CSMD1: variants seen among roughly 807,000 people sequenced by gnomAD.
CSMD1 encodes the protein CUB and sushi domain-containing protein 1.
Under a neutral mutation model 417.5 loss-of-function variants are expected in CSMD1, and 213 were observed. That is an observed-to-expected ratio of 0.51 (90% CI 0.46 to 0.57). CSMD1 has a LOEUF of 0.57. CSMD1 is among the 20% of genes least tolerant of loss of function. The pLI is 0.00. For missense variants in CSMD1, 6,923 were observed against 4,529.7 expected (o/e 1.53, Z -15.17); for synonymous variants, 2,862 against 1,736.8 (o/e 1.65, Z -16.11).
At chr8:3,185,473 G>C (rs867182884) in intron 36 of CSMD1, among the ~76,000 whole-genome samples, 7 of 152,218 alleles carry the variant, frequency 4.6e-5, no homozygotes, top group Non-Finnish European at 8.8e-5. Context: ...CTGCATTTGT[G>C]TGTAAAATGT....
chr8:3,025,621 A>T (rs531118733), intron 51 of CSMD1, among the ~76,000 whole-genome samples: 1 of 152,234 alleles, frequency 6.6e-6, no homozygotes, highest in African/African-American at 2.4e-5. Context: ...CCAACCATCA[A>T]TATATTTTAT....
intron 20 of CSMD1, among the ~76,000 whole-genome samples, chr8:3,360,183 G>C (rs1054306793): frequency 1.3e-5 from 2 of 152,206 alleles, no homozygotes; most frequent in Admixed American, 1.3e-4. Flanking sequence ...AGATTGAAAA[G>C]TAGTAGACAA....
chr8:4,640,168 A>G (rs1803105642), intron 1 of CSMD1, among the ~76,000 whole-genome samples: 1 of 152,248 alleles, frequency 6.6e-6, no homozygotes, highest in Non-Finnish European at 1.5e-5. Flanking sequence ...CAGGGTACTA[A>G]TGAGTACAGT....
At chr8:4,790,211 G>A (rs759486103) in intron 1 of CSMD1, among the ~76,000 whole-genome samples, 1 of 152,058 alleles carries the variant, frequency 6.6e-6, no homozygotes, top group Non-Finnish European at 1.5e-5. Context: ...AGCCAAATCT[G>A]AGAGCACAAC....
chr8:3,911,125 C>G (rs1212613320), intron 5 of CSMD1, among the ~76,000 whole-genome samples: 1 of 152,032 alleles, frequency 6.6e-6, no homozygotes, highest in Non-Finnish European at 1.5e-5. Flanking sequence ...GACAGGTTGC[C>G]AATCACAGGA....
chr8:3,657,878 C>A (rs770183939), intron 7 of CSMD1, among the ~76,000 whole-genome samples: 1 of 152,176 alleles, frequency 6.6e-6, no homozygotes, highest in African/African-American at 2.4e-5. Context: ...CAAAAATCCT[C>A]TTGAAACTTA....
chr8:3,503,941 C>T (rs780837083), intron 10 of CSMD1, among the ~76,000 whole-genome samples: 5 of 150,522 alleles, frequency 3.3e-5, no homozygotes, highest in Admixed American at 6.6e-5. Flanking sequence ...AATATGGAGG[C>T]GGGGGTTAGG....
At chr8:4,812,310 G>C (rs1408039959) in intron 1 of CSMD1, among the ~76,000 whole-genome samples, 2 of 152,190 alleles carry the variant, frequency 1.3e-5, no homozygotes, top group African/African-American at 2.4e-5. Context: ...GTTTGGGATA[G>C]TGGCTGCTTC....
At chr8:4,889,978 A>C (rs975452295) in intron 1 of CSMD1, among the ~76,000 whole-genome samples, 26 of 152,288 alleles carry the variant, frequency 1.7e-4, no homozygotes, top group African/African-American at 5.8e-4. Context: ...ACAACTATGA[A>C]ACAGAAATAT....
rs75606222 is a variant in CSMD1, at chr8:3,822,025, G to C, written c.819-67983C>G. Among the ~76,000 whole-genome samples the C allele has an allele frequency of 9.2e-3, 1,398 of 152,208 alleles. 33 individuals are homozygous for C. Among genetic ancestry groups the C allele is most frequent in the African/African-American group, 0.031 (1,273 of 41,534 alleles). ...ACAACTTCTGCATCACAGTTCCTCA[G>C]AACACCATGCGGTCTGACATCTCTG... On this transcript the variant is annotated intron_variant, in intron 5 of 69. Transcript: ENST00000635120.
intron 1 of CSMD1, among the ~76,000 whole-genome samples, chr8:4,670,780 G>T (rs918789437): frequency 6.6e-6 from 1 of 152,036 alleles, no homozygotes; most frequent in Non-Finnish European, 1.5e-5. Context: ...ATAATATAAA[G>T]AAAAAAATAA....
intron 2 of CSMD1, among the ~76,000 whole-genome samples, chr8:4,534,762 T>A (rs1383670394): frequency 1.3e-5 from 2 of 152,126 alleles, no homozygotes; most frequent in Non-Finnish European, 1.5e-5. Context: ...ATTTCTTTCT[T>A]TCTTTCTTTC....
intron 3 of CSMD1, among the ~76,000 whole-genome samples, chr8:4,198,025 G>C (rs923419103): frequency 1.3e-5 from 2 of 152,222 alleles, no homozygotes; most frequent in Non-Finnish European, 2.9e-5. Flanking sequence ...TGGGGGCACA[G>C]ACTGCAGCAA....
intron 10 of CSMD1, among the ~76,000 whole-genome samples, chr8:3,519,722 G>C (rs756756770): frequency 8.5e-5 from 13 of 152,144 alleles, no homozygotes; most frequent in Non-Finnish European, 1.5e-4. Context: ...GCTATACAAT[G>C]GGGTTGTGTT....
chr8:3,308,251 C>T, intron 24 of CSMD1, 61 bp downstream of exon 24: 2 of 1,315,842 alleles, frequency 1.5e-6, no homozygotes, highest in Admixed American at 2.0e-5. Context: ...GTCAATGCAA[C>T]ATGGTGCAAG....
intron 3 of CSMD1, among the ~76,000 whole-genome samples, chr8:4,345,391 A>G (rs187168193): frequency 1.3e-5 from 2 of 152,258 alleles, no homozygotes; most frequent in African/African-American, 4.8e-5. Context: ...TATGCAATAG[A>G]GTATTTTCAT....
At chr8:3,182,467 G>A (rs1167923709) in intron 36 of CSMD1, among the ~76,000 whole-genome samples, 2 of 151,906 alleles carry the variant, frequency 1.3e-5, no homozygotes, top group African/African-American at 4.8e-5. Flanking sequence ...TGCTTGCCTC[G>A]GCCTCCCAAA....
chr8:4,423,081 A>G (rs1154041), intron 2 of CSMD1, among the ~76,000 whole-genome samples: 1,658 of 152,198 alleles, frequency 0.011, 30 homozygotes, highest in African/African-American at 0.037. Flanking sequence ...AAAAGCCTAA[A>G]GATAACATTT....
At chr8:3,174,918 AT>A (rs1820810705) in intron 37 of CSMD1, among the ~76,000 whole-genome samples, 1 of 152,086 alleles carries the variant, frequency 6.6e-6, no homozygotes, top group South Asian at 2.1e-4. Flanking sequence ...TTGACTATGT[AT>A]TTTTTGAGTG....
Sources: gnomAD v4.1 joint callset for allele counts (sites outside exome capture counted in the v4.1 genomes callset) on GRCh38, gnomAD v4.1.1 for gene constraint, MANE v1.5 for transcripts, NCBI Gene and HGNC (gene_info 2026-07-23, HGNC 2026-07-21) for gene names.